TMEM52B: variants seen among roughly 807,000 people sequenced by gnomAD.
The protein encoded by TMEM52B is chromosome 12 open reading frame 59.
In TMEM52B, 11 loss-of-function variants were observed where a neutral mutation model predicts 16.1. The observed-to-expected ratio is 0.68, with a 90% CI of 0.43 to 1.13. TMEM52B has a LOEUF of 1.13. Ranked by LOEUF, TMEM52B falls within the 50% of genes most tolerant of loss-of-function variation. TMEM52B has a pLI of 0.00. For missense variants in TMEM52B, 243 were observed against 230.4 expected, an observed-to-expected ratio of 1.05 and a Z score of -0.35; for synonymous variants, 101 against 93.8, an observed-to-expected ratio of 1.08 and a Z score of -0.45.
rs774671451 is a variant in TMEM52B, at chr12:10,182,507, G to A, written c.55-43G>A. The A allele has an allele frequency of 1.3e-5, 20 of 1,528,394 alleles. No homozygotes were observed. In the East Asian group the frequency reaches 4.7e-4, roughly 36 times the overall value. The allele number at this position is 1,528,394 out of a possible 1,614,324, so 94.7% of individuals were successfully genotyped here. On this transcript the variant is annotated intron_variant, in intron 1 of 4. Coordinates refer to ENST00000543484, the MANE Select transcript of TMEM52B (RefSeq NM_001384896.1). ...GATTGGTAAGCAGCTGAACACAGTG[G>A]CCAAAACAATTTCCCTGTATAAGAC...
At chr12:10,188,491 GGGAAGGAA>G (rs56380186) in intron 4 of TMEM52B, among the ~76,000 whole-genome samples, 9 of 78,244 alleles carry the variant, frequency 1.2e-4, no homozygotes, top group South Asian at 6.4e-4. Context: ...AAGAGAGAGA[GGGAAGGAA>G]GGAAGGAAGG....
intron 1 of TMEM52B, among the ~76,000 whole-genome samples, chr12:10,180,526 G>T (rs1012041465): frequency 6.6e-6 from 1 of 152,068 alleles, no homozygotes; most frequent in Non-Finnish European, 1.5e-5. Context: ...CTTTTTCATC[G>T]TTAGTGGCCA....
chr12:10,189,098 G>T (rs1948923579), intron 4 of TMEM52B, among the ~76,000 whole-genome samples: 1 of 149,732 alleles, frequency 6.7e-6, no homozygotes, highest in South Asian at 2.1e-4. Context: ...CTACTCGGGA[G>T]GACGAGGCAG....
chr12:10,189,212 AAAAAAAG>A (rs1463530702), intron 4 of TMEM52B, among the ~76,000 whole-genome samples: 2 of 151,328 alleles, frequency 1.3e-5, no homozygotes, highest in African/African-American at 4.8e-5. Context: ...AAAAAAAAAA[AAAAAAAG>A]AAAAGAGATG....
intron 2 of TMEM52B, among the ~76,000 whole-genome samples, chr12:10,182,884 C>G (rs1948839895): frequency 6.6e-6 from 1 of 152,182 alleles, no homozygotes; most frequent in South Asian, 2.1e-4. Context: ...CTTCCTTAGC[C>G]CTGCTCCTCA....
Position 10,184,567 on chromosome 12 carries a change from C to T in TMEM52B, c.99-763C>T, listed in dbSNP as rs144566898. ...TGGAAGATTGCTTGCCTGGTGTGTG[C>T]GGAAATCCTCACCCACCCACATCTG... On this transcript the variant is annotated intron_variant, in intron 2 of 4. Coordinates refer to ENST00000543484, the MANE Select transcript of TMEM52B (RefSeq NM_001384896.1). 7.3e-3 allele frequency among the ~76,000 whole-genome samples: 1,104 copies of T among 151,982 alleles called. 7 individuals carry two copies. Among genetic ancestry groups the T allele is most frequent in the Admixed American group, 0.011 (175 of 15,260 alleles).
chr12:10,183,496 G>C (rs1948846360), intron 2 of TMEM52B, among the ~76,000 whole-genome samples: 1 of 151,968 alleles, frequency 6.6e-6, no homozygotes, highest in African/African-American at 2.4e-5. Flanking sequence ...CTATAAATGT[G>C]TGACCAGAGA....
At chr12:10,174,010 C>G (rs1393459816) in intron 1 of TMEM52B, among the ~76,000 whole-genome samples, 1 of 152,140 alleles carries the variant, frequency 6.6e-6, no homozygotes, top group African/African-American at 2.4e-5. Flanking sequence ...ACTCTATACC[C>G]ACCAAGCAAT....
intron 1 of TMEM52B, among the ~76,000 whole-genome samples, chr12:10,172,603 A>G (rs1039493829): frequency 6.6e-6 from 1 of 152,330 alleles, no homozygotes. Context: ...GGTGAATCAC[A>G]TATGGCTCCC....
At position 10,179,466 on chromosome 12, in the gene TMEM52B, G is replaced by T; in HGVS notation, c.-109G>T. 8.3e-7 allele frequency: 1 copy of T among 1,201,260 alleles called. No individual in the cohort carries two copies. The highest frequency in any genetic ancestry group is 1.2e-6 in the Non-Finnish European group (1 of 808,482). The allele number at this position is 1,201,260 out of a possible 1,614,324, so 74.4% of individuals were successfully genotyped here. ...AAAAGCTGATAAATTCCTGAGAAAAGTTTCTCTTCTTAAGAATTCTAGGTC... is the reference window on the plus strand; with the variant it reads ...AAAAGCTGATAAATTCCTGAGAAAATTTTCTCTTCTTAAGAATTCTAGGTC... On this transcript the variant is annotated 5_prime_UTR_variant, in exon 1 of 5. Transcript: ENST00000543484.
intron 1 of TMEM52B, chr12:10,172,333 T>C: frequency 2.7e-6 from 1 of 368,570 alleles, no homozygotes; most frequent in East Asian, 4.6e-5. Flanking sequence ...AAGTAATTTA[T>C]GAAAGGGAAA....
upstream of TMEM52B, among the ~76,000 whole-genome samples, chr12:10,174,641 C>T (rs1012437063): frequency 6.6e-6 from 1 of 152,184 alleles, no homozygotes; most frequent in Non-Finnish European, 1.5e-5. Flanking sequence ...TTACCAGGCT[C>T]TATAATCATA....
chr12:10,179,302 A>G lies in TMEM52B; in HGVS notation c.-273A>G, dbSNP rs1223394566. 1 of 458,166 alleles carries G rather than the reference A, an allele frequency of 2.2e-6. No individual in the cohort carries two copies. The highest frequency in any genetic ancestry group is 4.0e-6 in the Non-Finnish European group (1 of 250,878). The allele number at this position is 458,166 out of a possible 1,614,324, so 28.4% of individuals were successfully genotyped here. ...AAAGAATTAATAGTGTAACGGAAAG[A>G]AAGAAGGCAAAAGGAAGTAAATGTG... is the stretch of plus-strand genomic sequence containing the variant. On this transcript the variant is annotated 5_prime_UTR_variant, in exon 1 of 5. Coordinates refer to ENST00000543484, the MANE Select transcript of TMEM52B (RefSeq NM_001384896.1).
At chr12:10,171,651 G>T (rs780556110) in intron 1 of TMEM52B, among the ~76,000 whole-genome samples, 11 of 152,126 alleles carry the variant, frequency 7.2e-5, no homozygotes, top group African/African-American at 2.7e-4. Flanking sequence ...TATTAGCTCC[G>T]TGAAACTGGA....
intron 1 of TMEM52B, among the ~76,000 whole-genome samples, chr12:10,180,493 T>C (rs972887541): frequency 3.3e-5 from 5 of 152,156 alleles, no homozygotes; most frequent in South Asian, 2.1e-4. Flanking sequence ...GAAAGTACCA[T>C]GGTTGCGTAG....
At chr12:10,177,810 A>G (rs552372765), upstream of TMEM52B, among the ~76,000 whole-genome samples, 1 of 71,964 alleles carries the variant, frequency 1.4e-5, no homozygotes, top group South Asian at 2.9e-4. Flanking sequence ...TAATAATAAT[A>G]ATAATTTTTT....
At chr12:10,180,245 G>A (rs1024849958) in intron 1 of TMEM52B, among the ~76,000 whole-genome samples, 3 of 150,454 alleles carry the variant, frequency 2.0e-5, no homozygotes, top group Non-Finnish European at 4.4e-5. Context: ...ATTCCCGTAT[G>A]GCCCCCGTAC....
chr12:10,174,391 T>G (rs1410283535), upstream of TMEM52B, among the ~76,000 whole-genome samples: 2 of 152,124 alleles, frequency 1.3e-5, no homozygotes, highest in Non-Finnish European at 2.9e-5. Context: ...GGTCATGGGG[T>G]TCCCAGACAG....
At chr12:10,173,763 T>A (rs796536963) in intron 1 of TMEM52B, among the ~76,000 whole-genome samples, 82 of 130,328 alleles carry the variant, frequency 6.3e-4, no homozygotes, top group Admixed American at 1.9e-3. Context: ...AGACTCCCTT[T>A]AAAAAAAAAA....
Sources: gnomAD v4.1 joint callset for allele counts (sites outside exome capture counted in the v4.1 genomes callset) on GRCh38, gnomAD v4.1.1 for gene constraint, MANE v1.5 for transcripts, NCBI Gene and HGNC (gene_info 2026-07-23, HGNC 2026-07-21) for gene names.